SLC7A6: variants seen among roughly 807,000 people sequenced by gnomAD.
SLC7A6 encodes solute carrier family 7 member 6, also known as Y+L amino acid transporter 2.
In SLC7A6, 29 loss-of-function variants were observed where a neutral mutation model predicts 46.6. The observed-to-expected ratio is 0.62, with a 90% CI of 0.46 to 0.85. The LOEUF (loss-of-function observed/expected upper bound fraction) is 0.85. Among genes scored for constraint, SLC7A6 ranks in the 40% least tolerant of loss-of-function variants. The pLI is 0.00. For missense variants in SLC7A6, 527 were observed against 647.6 expected (o/e 0.81, Z 2.02); for synonymous variants, 276 against 257.3 (o/e 1.07, Z -0.70).
At chr16:68,289,762 G>C (rs941813468) in intron 4 of SLC7A6, among the ~76,000 whole-genome samples, 4 of 152,162 alleles carry the variant, frequency 2.6e-5, no homozygotes, top group Admixed American at 2.6e-4. Flanking sequence ...GAGGGTGGGG[G>C]TGGCTCAGGC....
At chr16:68,286,171 T>C (rs1421501103) in intron 3 of SLC7A6, among the ~76,000 whole-genome samples, 1 of 151,130 alleles carries the variant, frequency 6.6e-6, no homozygotes, top group Non-Finnish European at 1.5e-5. Flanking sequence ...GAATTTGTGA[T>C]CTTGGGAGAA....
At chr16:68,286,236 G>C (rs1350211484) in intron 3 of SLC7A6, among the ~76,000 whole-genome samples, 1 of 151,982 alleles carries the variant, frequency 6.6e-6, no homozygotes, top group African/African-American at 2.4e-5. Context: ...CATGATGATA[G>C]CATAGACACT....
Position 68,298,662 on chromosome 16 carries a change from T to G in SLC7A6, c.*1334T>G, listed in dbSNP as rs2043216501. 2 of 152,230 alleles carry G rather than the reference T, an allele frequency of 1.3e-5. No homozygotes were observed. 9.4% of individuals were successfully genotyped at this position (152,230 alleles called of 1,614,324 possible). On this transcript the variant is annotated 3_prime_UTR_variant, in exon 11 of 11. Coordinates refer to ENST00000219343, the MANE Select transcript of SLC7A6 (RefSeq NM_003983.6). Reference sequence around the variant, plus strand: ...GATCAGTGAAGACTGGGAGGAAAGCTGCTTCAACCTGAGTCCGGCTCTTCA... The same window carrying G: ...GATCAGTGAAGACTGGGAGGAAAGCGGCTTCAACCTGAGTCCGGCTCTTCA...
chr16:68,279,881 C>T (rs2042798267), intron 3 of SLC7A6, among the ~76,000 whole-genome samples: 1 of 152,224 alleles, frequency 6.6e-6, no homozygotes, highest in Non-Finnish European at 1.5e-5. Context: ...ATCCAGATTC[C>T]TCGGGATCTG....
intron 3 of SLC7A6, among the ~76,000 whole-genome samples, chr16:68,277,726 C>T: frequency 6.6e-6 from 1 of 152,100 alleles, no homozygotes; most frequent in East Asian, 1.9e-4. Flanking sequence ...CTCCTGGGTT[C>T]AAGCGATTCT....
chr16:68,271,376 C>T (rs536190592), intron 2 of SLC7A6, among the ~76,000 whole-genome samples: 22 of 152,198 alleles, frequency 1.4e-4, no homozygotes, highest in Admixed American at 4.6e-4. Context: ...GTGATCATGG[C>T]TCACTGCAGC....
chr16:68,274,218 TC>T (rs1490768207), intron 2 of SLC7A6, among the ~76,000 whole-genome samples: 1 of 152,234 alleles, frequency 6.6e-6, no homozygotes, highest in Non-Finnish European at 1.5e-5. Context: ...ATTGCAGAAG[TC>T]CCAGTTTACA....
intron 7 of SLC7A6, among the ~76,000 whole-genome samples, chr16:68,293,834 G>A (rs1057271026): frequency 2.0e-5 from 3 of 152,332 alleles, no homozygotes; most frequent in Middle Eastern, 3.4e-3. Context: ...AGCCTAGCGA[G>A]TGAGTGTCGT....
rs555030461 is a variant in SLC7A6, at chr16:68,300,147, T to A, written c.*2819T>A. 1 of 152,376 alleles carries A rather than the reference T, an allele frequency of 6.6e-6. No individual in the cohort carries two copies. Among genetic ancestry groups the A allele is most frequent in the Non-Finnish European group, 1.5e-5 (1 of 68,044 alleles). 9.4% of individuals were successfully genotyped at this position (152,376 alleles called of 1,614,324 possible). On this transcript the variant is annotated 3_prime_UTR_variant, in exon 11 of 11. Transcript: ENST00000219343. ...CTGTGGTGTCCGCTGCAACAGCTAC[T>A]AGCCACGTGTAGCTAATTACATTAA...
intron 3 of SLC7A6, among the ~76,000 whole-genome samples, chr16:68,284,966 G>C (rs1343891287): frequency 2.0e-5 from 3 of 149,020 alleles, no homozygotes; most frequent in African/African-American, 7.4e-5. Flanking sequence ...CGGACTCCTG[G>C]GTTCGGCAGT....
intron 2 of SLC7A6, among the ~76,000 whole-genome samples, chr16:68,269,444 C>T (rs2042587643): frequency 1.3e-5 from 2 of 152,148 alleles, no homozygotes; most frequent in African/African-American, 2.4e-5. Flanking sequence ...GTTTGAACTC[C>T]TAGTCAGGAG....
At chr16:68,271,952 C>G (rs1287744070) in intron 2 of SLC7A6, among the ~76,000 whole-genome samples, 2 of 152,146 alleles carry the variant, frequency 1.3e-5, no homozygotes, top group African/African-American at 4.8e-5. Context: ...CAAGTGCATG[C>G]CACCACGCCC....
At chr16:68,296,591 C>G in intron 9 of SLC7A6, 36 bp from the exon 10 acceptor site, 3 of 1,613,720 alleles carry the variant, frequency 1.9e-6, no homozygotes, top group Non-Finnish European at 2.5e-6. Context: ...GTTTCCTCTT[C>G]CCACGTTACT....
At chr16:68,275,945 GGA>G (rs2042704699) in intron 3 of SLC7A6, among the ~76,000 whole-genome samples, 1 of 148,118 alleles carries the variant, frequency 6.8e-6, no homozygotes, top group South Asian at 2.3e-4. Flanking sequence ...TGTTGCTAAA[GGA>G]AAAAAAAAAG....
At chr16:68,267,207 T>A (rs911743674) in intron 2 of SLC7A6, among the ~76,000 whole-genome samples, 47 of 83,658 alleles carry the variant, frequency 5.6e-4, no homozygotes, top group African/African-American at 3.0e-3. Flanking sequence ...TTGTGGTGGA[T>A]TTTTTTTTTT....
rs771484341 is a variant in SLC7A6 at position 68,287,887 on chromosome 16, G to C, written c.649+16G>C. On this transcript the variant is annotated intron_variant, in intron 4 of 10. Transcript: ENST00000219343. The stretch of plus-strand genomic sequence containing the variant: ...CTGTGCCAGGGTAAGTGGTGGGAAG[G>C]GGGGTACCACCAACAGTTCCTCTGG... 4 of 1,611,856 alleles carry C rather than the reference G, an allele frequency of 2.5e-6. No homozygotes were observed. The highest frequency in any genetic ancestry group is 3.3e-5 in the Admixed American group (2 of 59,860).
intron 1 of SLC7A6, among the ~76,000 whole-genome samples, chr16:68,266,014 A>G (rs538961138): frequency 2.9e-4 from 44 of 152,226 alleles, no homozygotes; most frequent in African/African-American, 1.1e-3. Context: ...TAATCCCAGC[A>G]CTTTGGGAGG....
chr16:68,301,570 T>C lies in SLC7A6; in HGVS notation c.*4242T>C, dbSNP rs1158761390. The C allele has an allele frequency of 1.8e-6, 1 of 542,482 alleles. No individual in the cohort carries two copies. Among genetic ancestry groups the C allele is most frequent in the African/African-American group, 1.9e-5 (1 of 51,536 alleles). 33.6% of individuals were successfully genotyped at this position (542,482 alleles called of 1,614,324 possible). A position where few individuals can be genotyped will look rare whatever the true frequency, so the allele number is the denominator to read the frequency against. Reference sequence around the variant, plus strand: ...AATTCTTTTTTTTTTAAAGAAGGAATCACTTTCCTATCATCTAAACCAAGT... The same window carrying C: ...AATTCTTTTTTTTTTAAAGAAGGAACCACTTTCCTATCATCTAAACCAAGT... On this transcript the variant is annotated 3_prime_UTR_variant, in exon 11 of 11. Coordinates refer to ENST00000219343, the MANE Select transcript of SLC7A6 (RefSeq NM_003983.6).
intron 4 of SLC7A6, among the ~76,000 whole-genome samples, chr16:68,288,554 T>C (rs1462679538): frequency 1.3e-5 from 2 of 152,126 alleles, no homozygotes; most frequent in Non-Finnish European, 2.9e-5. Flanking sequence ...AGCCCAGTTC[T>C]CTAGGTCATC....
Sources: allele counts gnomAD v4.1 joint callset (sites outside exome capture counted in the v4.1 genomes callset), GRCh38; gene constraint gnomAD v4.1.1; transcripts MANE v1.5; gene names NCBI Gene and HGNC (gene_info 2026-07-23, HGNC 2026-07-21).